The following MAP3K7 variants were observed in gnomAD, a reference collection of about 807,000 sequenced individuals.
MAP3K7 encodes TGF-beta activated kinase 1.
MAP3K7 carries 21 observed loss-of-function variants against 84.8 expected under a neutral mutation model. The observed-to-expected ratio is 0.25, with a 90% CI of 0.18 to 0.36. The LOEUF is 0.36. MAP3K7 is among the 10% of genes least tolerant of loss of function. MAP3K7 has a pLI of 1.00. For synonymous variants in MAP3K7, 241 were observed against 247.7 expected, an observed-to-expected ratio of 0.97 and a Z score of 0.25; for missense variants, 503 against 747.7, an observed-to-expected ratio of 0.67 and a Z score of 3.82.
At chr6:90,576,513 A>G (rs952623887) in intron 1 of MAP3K7, among the ~76,000 whole-genome samples, 7 of 152,104 alleles carry the variant, frequency 4.6e-5, no homozygotes, top group African/African-American at 1.7e-4. Flanking sequence ...AGGGAAAAGA[A>G]AAACCTCACT....
chr6:90,557,084 G>A (rs1776360177), intron 5 of MAP3K7, among the ~76,000 whole-genome samples: 3 of 152,114 alleles, frequency 2.0e-5, no homozygotes, highest in African/African-American at 7.2e-5. Context: ...TCTTTATTTT[G>A]AAGATACTTC....
intron 12 of MAP3K7, 43 bp downstream of exon 12, chr6:90,544,509 C>A: frequency 6.5e-7 from 1 of 1,539,330 alleles, no homozygotes; most frequent in Non-Finnish European, 9.0e-7. Flanking sequence ...GATCATTATT[C>A]CGGTTCCACA....
chr6:90,520,882 T>C (rs758722559), intron 14 of MAP3K7, among the ~76,000 whole-genome samples: 72 of 152,130 alleles, frequency 4.7e-4, no homozygotes, highest in Non-Finnish European at 9.4e-4. Context: ...CCTGATTTAC[T>C]AGAAAAATTT....
At chr6:90,586,209 A>G (rs1427597155) in intron 1 of MAP3K7, among the ~76,000 whole-genome samples, 1 of 151,342 alleles carries the variant, frequency 6.6e-6, no homozygotes, top group Non-Finnish European at 1.5e-5. Context: ...CGTCTCTACT[A>G]AAAATACAAA....
chr6:90,573,809 A>G (rs867659197), intron 1 of MAP3K7, among the ~76,000 whole-genome samples: 4 of 152,246 alleles, frequency 2.6e-5, no homozygotes, highest in Non-Finnish European at 5.9e-5. Flanking sequence ...CCTCTAGGCA[A>G]AATTTCAAAG....
chr6:90,525,837 G>A (rs1208539242), intron 13 of MAP3K7, among the ~76,000 whole-genome samples: 3 of 151,642 alleles, frequency 2.0e-5, no homozygotes, highest in Admixed American at 2.0e-4. Flanking sequence ...AAAGCACTGG[G>A]ATTGCAGGTA....
intron 3 of MAP3K7, among the ~76,000 whole-genome samples, chr6:90,562,555 T>A (rs1295747911): frequency 6.6e-6 from 1 of 151,784 alleles, no homozygotes; most frequent in East Asian, 1.9e-4. Flanking sequence ...GAGGCTTGAG[T>A]AGGTAAACAA....
intron 16 of MAP3K7, 29 bp from the exon 17 acceptor site, chr6:90,516,710 C>A (rs747175109): frequency 6.5e-7 from 1 of 1,546,724 alleles, no homozygotes; most frequent in South Asian, 1.2e-5. Context: ...TAATATTACA[C>A]ATGATGGAAA....
At position 90,536,186 on chromosome 6, in the gene MAP3K7, T is replaced by TC. The variant is rs574918301; in HGVS notation, c.1356+150dup. ...ATTAACAATGGCACCTATGTTTTTT[T>TC]CCCCCCTAAGTATTTAAGTTCAGGT... On this transcript the variant is annotated intron_variant, in intron 13 of 16. Transcript: ENST00000369329. 4.9e-4 allele frequency: 269 copies of TC among 546,998 alleles called. 1 individual carries two copies. Among genetic ancestry groups the TC allele is most frequent in the East Asian group, 2.1e-3 (70 of 34,100 alleles). 33.9% of individuals were successfully genotyped at this position (546,998 alleles called of 1,614,324 possible). A position where few individuals can be genotyped will look rare whatever the true frequency, so the allele number is the denominator to read the frequency against.
At chr6:90,566,207 T>G (rs1334288643) in intron 3 of MAP3K7, among the ~76,000 whole-genome samples, 1 of 152,228 alleles carries the variant, frequency 6.6e-6, no homozygotes, top group Non-Finnish European at 1.5e-5. Context: ...TTGGAAGTTC[T>G]GGCCAGGGCA....
At chr6:90,566,890 G>C (rs1472558733) in intron 3 of MAP3K7, among the ~76,000 whole-genome samples, 2 of 152,070 alleles carry the variant, frequency 1.3e-5, no homozygotes, top group East Asian at 3.9e-4. Flanking sequence ...ACAGAACAGA[G>C]CCCTCAGAAA....
intron 12 of MAP3K7, among the ~76,000 whole-genome samples, chr6:90,544,098 C>T (rs950798952): frequency 1.3e-4 from 20 of 152,096 alleles, no homozygotes; most frequent in Admixed American, 5.2e-4. Flanking sequence ...CTTCTCTCAA[C>T]TTCACATTCA....
At chr6:90,568,184 G>A (rs757764528) in intron 3 of MAP3K7, among the ~76,000 whole-genome samples, 73 of 152,132 alleles carry the variant, frequency 4.8e-4, no homozygotes, top group Non-Finnish European at 9.7e-4. Flanking sequence ...TGCACGTTGT[G>A]CACATGTAAC....
At chr6:90,563,508 A>C (rs1322238856) in intron 3 of MAP3K7, among the ~76,000 whole-genome samples, 1 of 152,220 alleles carries the variant, frequency 6.6e-6, no homozygotes, top group African/African-American at 2.4e-5. Flanking sequence ...ATGAAGCAAG[A>C]AGAGAAGTTT....
intron 5 of MAP3K7, 123 bp downstream of exon 5, chr6:90,559,953 G>A (rs1776453125): frequency 9.5e-7 from 1 of 1,049,176 alleles, no homozygotes; most frequent in South Asian, 1.6e-5. Context: ...CACTGAGTAA[G>A]CCAAATAGAG....
chr6:90,581,231 CTTAAT>C (rs1249824506), intron 1 of MAP3K7, among the ~76,000 whole-genome samples: 1 of 152,180 alleles, frequency 6.6e-6, no homozygotes, highest in Non-Finnish European at 1.5e-5. Context: ...CCTTTGTGCT[CTTAAT>C]TTATTATTAA....
chr6:90,567,408 T>C (rs1241555845), intron 3 of MAP3K7, among the ~76,000 whole-genome samples: 1 of 152,198 alleles, frequency 6.6e-6, no homozygotes, highest in African/African-American at 2.4e-5. Context: ...GCAAAGGATA[T>C]GAACAGACAC....
chr6:90,541,983 T>C (rs183868463), intron 12 of MAP3K7, among the ~76,000 whole-genome samples: 37 of 152,138 alleles, frequency 2.4e-4, no homozygotes, highest in South Asian at 8.3e-4. Context: ...CTTATCCATG[T>C]AAATAAGATC....
At chr6:90,530,324 G>A (rs1268661937) in intron 13 of MAP3K7, among the ~76,000 whole-genome samples, 1 of 152,150 alleles carries the variant, frequency 6.6e-6, no homozygotes, top group Non-Finnish European at 1.5e-5. Flanking sequence ...AATGAGAATG[G>A]ATTTAGTATA....
Sources: gnomAD v4.1 joint callset for allele counts (sites outside exome capture counted in the v4.1 genomes callset) on GRCh38, gnomAD v4.1.1 for gene constraint, MANE v1.5 for transcripts, NCBI Gene and HGNC (gene_info 2026-07-23, HGNC 2026-07-21) for gene names.